VSTM4: variants seen among roughly 807,000 people sequenced by gnomAD.
The protein encoded by VSTM4 is V-set and transmembrane domain-containing protein 4.
A neutral mutation model predicts 36.4 loss-of-function variants in VSTM4; 20 were observed. The ratio of observed to expected loss-of-function variants is 0.55; its 90% CI spans 0.39 to 0.80. VSTM4 has a LOEUF of 0.80. VSTM4 is among the 30% of genes least tolerant of loss of function. The pLI, the probability that VSTM4 is intolerant of heterozygous loss-of-function variation, is 0.00. For synonymous variants in VSTM4, 182 were observed against 173.9 expected, an observed-to-expected ratio of 1.05 and a Z score of -0.37; for missense variants, 392 against 404.5, an observed-to-expected ratio of 0.97 and a Z score of 0.26.
intron 7 of VSTM4, among the ~76,000 whole-genome samples, chr10:49,032,572 A>C (rs571253827): frequency 1.2e-4 from 18 of 152,230 alleles, no homozygotes; most frequent in African/African-American, 3.4e-4. Flanking sequence ...AAGACATCTG[A>C]CTCAGGCAGC....
chr10:49,033,236 G>T (rs1045927585), intron 7 of VSTM4, among the ~76,000 whole-genome samples: 1 of 152,202 alleles, frequency 6.6e-6, no homozygotes, highest in African/African-American at 2.4e-5. Context: ...TATACGTACT[G>T]ATGTAGAAAG....
chr10:49,053,752 GA>G (rs1843733851), intron 5 of VSTM4, among the ~76,000 whole-genome samples: 1 of 152,162 alleles, frequency 6.6e-6, no homozygotes, highest in African/African-American at 2.4e-5. Flanking sequence ...ACATTGATCA[GA>G]AAGTCTTCCT....
At position 49,064,745 on chromosome 10, in the gene VSTM4, G is replaced by A. The variant is rs1843942136; in HGVS notation, c.635-9C>T. The A allele has an allele frequency of 1.9e-6, 3 of 1,611,456 alleles. No homozygotes were observed. Among genetic ancestry groups the A allele is most frequent in the Non-Finnish European group, 2.5e-6 (3 of 1,178,972 alleles). On this transcript the variant is annotated splice_polypyrimidine_tract_variant and intron_variant, in intron 4 of 7. Transcript: ENST00000332853. ...CACCAAATAATGTCTCACTGTGAAAGGAAAAATAATAGAAGATGGTAAACC... is the reference window on the plus strand; with the variant it reads ...CACCAAATAATGTCTCACTGTGAAAAGAAAAATAATAGAAGATGGTAAACC...
chr10:49,107,356 G>C (rs189699978), intron 2 of VSTM4, among the ~76,000 whole-genome samples: 1 of 152,242 alleles, frequency 6.6e-6, no homozygotes, highest in East Asian at 1.9e-4. Context: ...GGCCATGTTG[G>C]GGCAGGCACT....
intron 1 of VSTM4, among the ~76,000 whole-genome samples, chr10:49,111,939 C>G (rs147534463): frequency 6.6e-6 from 1 of 152,290 alleles, no homozygotes; most frequent in East Asian, 1.9e-4. Context: ...GCTAAAGACT[C>G]ACTTGCAGCT....
At chr10:49,111,740 C>T (rs77566760) in intron 1 of VSTM4, among the ~76,000 whole-genome samples, 11 of 152,128 alleles carry the variant, frequency 7.2e-5, no homozygotes, top group Non-Finnish European at 1.5e-4. Context: ...AAGAAGAAAA[C>T]AACATTCCTG....
In VSTM4 at chr10:49,019,461, CT is replaced by C. The variant is rs1220299784; in HGVS notation, c.*188del. On this transcript the variant is annotated 3_prime_UTR_variant, in exon 8 of 8. Transcript: ENST00000332853. The stretch of plus-strand genomic sequence containing the variant: ...CTTGTCCCGGGAGATCTGTCAAGAG[CT>C]GTGGCCCCGATTCTTTTGGGGAGAG... 3.1e-6 allele frequency: 2 copies of C among 640,962 alleles called. No individual in the cohort carries two copies. The highest frequency in any genetic ancestry group is 6.9e-5 in the East Asian group (2 of 29,172). The allele number at this position is 640,962 out of a possible 1,614,324, so 39.7% of individuals were successfully genotyped here.
intron 7 of VSTM4, among the ~76,000 whole-genome samples, chr10:49,030,610 T>A (rs1157386066): frequency 6.6e-6 from 1 of 152,190 alleles, no homozygotes; most frequent in African/African-American, 2.4e-5. Context: ...CACTTTGGGT[T>A]GGACGAACTC....
At chr10:49,067,506 T>C (rs1169187785) in intron 4 of VSTM4, among the ~76,000 whole-genome samples, 1 of 152,216 alleles carries the variant, frequency 6.6e-6, no homozygotes, top group Non-Finnish European at 1.5e-5. Context: ...AATGAGGCCA[T>C]TAGGCTGGGC....
chr10:49,066,861 C>T (rs577325871), intron 4 of VSTM4, among the ~76,000 whole-genome samples: 1 of 152,058 alleles, frequency 6.6e-6, no homozygotes, highest in Non-Finnish European at 1.5e-5. Context: ...TTTGTACACA[C>T]ATATTATCTT....
At chr10:49,044,621 T>C (rs991292123) in intron 7 of VSTM4, among the ~76,000 whole-genome samples, 8 of 152,088 alleles carry the variant, frequency 5.3e-5, no homozygotes, top group Admixed American at 2.0e-4. Flanking sequence ...TTGGCAGATA[T>C]ATGCATAGAG....
At chr10:49,039,088 C>T (rs775532761) in intron 7 of VSTM4, among the ~76,000 whole-genome samples, 20 of 152,140 alleles carry the variant, frequency 1.3e-4, no homozygotes, top group Non-Finnish European at 2.2e-4. Flanking sequence ...TGAACAGGCA[C>T]AACTTACTCA....
intron 2 of VSTM4, among the ~76,000 whole-genome samples, chr10:49,086,643 T>C (rs553825863): frequency 6.6e-6 from 1 of 152,198 alleles, no homozygotes; most frequent in African/African-American, 2.4e-5. Flanking sequence ...AAAGTTTCCA[T>C]GTACAGGGGT....
chr10:49,110,215 G>A (rs1367886574), intron 1 of VSTM4, among the ~76,000 whole-genome samples: 1 of 152,164 alleles, frequency 6.6e-6, no homozygotes, highest in Non-Finnish European at 1.5e-5. Flanking sequence ...GGGACCCCAC[G>A]CCCCAGGCTC....
chr10:49,019,655 G>A lies in VSTM4; in HGVS notation c.958C>T (p.Leu320=), dbSNP rs1843150906. The part of the protein sequence containing the change: ...YAQILFEENK[L] ...CCTTGGAGGTGGACGCTGTACTACA[G>A]CTTGTTCTCCTCGAAGAGGATCTGG... is the stretch of plus-strand genomic sequence containing the variant. Residue 320 remains leucine (L), a synonymous_variant, in exon 8 of 8, where the codon CTG becomes TTG. Transcript: ENST00000332853. 1.9e-6 allele frequency: 3 copies of A among 1,611,154 alleles called. No homozygotes were observed. Among genetic ancestry groups the A allele is most frequent in the South Asian group, 1.1e-5 (1 of 90,426 alleles).
chr10:49,090,546 T>C (rs1006116607), intron 2 of VSTM4, among the ~76,000 whole-genome samples: 13 of 152,054 alleles, frequency 8.5e-5, no homozygotes, highest in African/African-American at 3.1e-4. Context: ...GGAGGAGAAA[T>C]GAGACTTCCA....
At chr10:49,052,693 C>T (rs114418352) in intron 5 of VSTM4, among the ~76,000 whole-genome samples, 3,331 of 152,236 alleles carry the variant, frequency 0.022, 104 homozygotes, top group South Asian at 0.12. Flanking sequence ...GCACCTTGCA[C>T]GGTGTAGAAT....
intron 7 of VSTM4, among the ~76,000 whole-genome samples, chr10:49,021,273 TG>T (rs1412324136): frequency 6.6e-6 from 1 of 152,066 alleles, no homozygotes; most frequent in Non-Finnish European, 1.5e-5. Flanking sequence ...AAAATTTTAA[TG>T]TGGAAAATAA....
intron 1 of VSTM4, among the ~76,000 whole-genome samples, chr10:49,111,416 T>C (rs553130380): frequency 1.4e-3 from 209 of 152,194 alleles, no homozygotes; most frequent in Non-Finnish European, 2.2e-3. Flanking sequence ...GGCTCTTCCC[T>C]CTGGATCTCA....
Sources: gnomAD v4.1 joint callset for allele counts (sites outside exome capture counted in the v4.1 genomes callset) on GRCh38, gnomAD v4.1.1 for gene constraint, MANE v1.5 for transcripts, NCBI Gene and HGNC (gene_info 2026-07-23, HGNC 2026-07-21) for gene names.